The following CACNA1B variants were observed in gnomAD, a reference collection of about 807,000 sequenced individuals.
CACNA1B encodes voltage-dependent N-type calcium channel subunit alpha-1B.
Under a neutral mutation model 247.2 loss-of-function variants are expected in CACNA1B, and 70 were observed. The ratio of observed to expected loss-of-function variants is 0.28; its 90% confidence interval spans 0.23 to 0.35. The LOEUF is 0.35. Ranked by LOEUF, CACNA1B falls within the 10% of genes least tolerant of loss-of-function variation. The pLI is 1.00. For synonymous variants in CACNA1B, 1,231 were observed against 1,294.4 expected (o/e 0.95, Z 1.05); for missense variants, 2,367 against 3,197.4 (o/e 0.74, Z 6.26).
chr9:137,995,545 A>G (rs1958488602), intron 15 of CACNA1B, among the ~76,000 whole-genome samples: 1 of 152,248 alleles, frequency 6.6e-6, no homozygotes, highest in African/African-American at 2.4e-5. Flanking sequence ...AAGATGGTCA[A>G]AGACTTAACC....
chr9:138,102,633 C>A lies in CACNA1B; in HGVS notation c.5223-78C>A, dbSNP rs748638086. ...TCCTCCCTGCCCCTACCCCGCTCCC[C>A]TCCCCGCTCCCCTCCTGCTGCCGCT... On this transcript the variant is annotated intron_variant, in intron 37 of 46. Transcript: ENST00000371372. The surrounding 1 kb of genome is among the most constrained non-coding windows in gnomAD (Gnocchi z 5.4). 1.4e-6 allele frequency: 1 copy of A among 693,568 alleles called. No individual in the cohort carries two copies. The highest frequency in any genetic ancestry group is 1.9e-5 in the South Asian group (1 of 52,352). The allele number at this position is 693,568 out of a possible 1,614,324, so 43.0% of individuals were successfully genotyped here.
chr9:138,035,684 T>C (rs1165459315), intron 20 of CACNA1B, among the ~76,000 whole-genome samples: 1 of 152,144 alleles, frequency 6.6e-6, no homozygotes, highest in Admixed American at 6.5e-5. Context: ...TCTTTCTTGA[T>C]CTTCTCTGTT....
chr9:137,922,049 C>G (rs1354321262), intron 6 of CACNA1B, among the ~76,000 whole-genome samples: 2 of 149,108 alleles, frequency 1.3e-5, no homozygotes, highest in African/African-American at 5.0e-5. Flanking sequence ...TGATCAGCAC[C>G]ACGACCGCAC....
In CACNA1B at chr9:137,913,207, C is replaced by T. The variant is rs565401082; in HGVS notation, c.558C>T (p.Phe186=). Reference sequence around the variant, plus strand: ...TCCTTGCCACGGCTGGAACTGACTTCGACCTGCGAACACTGAGGGCTGTGC... The same window carrying T: ...TCCTTGCCACGGCTGGAACTGACTTTGACCTGCGAACACTGAGGGCTGTGC... ...TGILATAGTD[F]DLRTLRAVRV... is the part of the protein sequence containing the mutation. The change falls in exon 4 of 47, where the codon TTC becomes TTT. Residue 186 remains phenylalanine, a synonymous_variant. Transcript: ENST00000371372. This position sits in a 1 kb window ranked among gnomAD's most constrained non-coding sequence, Gnocchi z 5.2. 46 of 1,613,922 alleles carry T rather than the reference C, an allele frequency of 2.9e-5. No homozygotes were observed. Among genetic ancestry groups the T allele is most frequent in the East Asian group, 6.7e-5 (3 of 44,866 alleles).
chr9:138,058,052 G>A lies in CACNA1B; in HGVS notation c.4110G>A (p.Val1370=). The part of the protein sequence containing the change: ...TVSTGEGWPM[V]LKHSVDATYE... Reference sequence around the variant, plus strand: ...ACTTGCTCTCCTCTTTGCCCAGGGTGCTGAAACACTCCGTGGATGCCACCT... The same window carrying A: ...ACTTGCTCTCCTCTTTGCCCAGGGTACTGAAACACTCCGTGGATGCCACCT... Residue 1370 remains valine (V), a synonymous_variant, in exon 28 of 47, where the codon GTG becomes GTA. Coordinates refer to ENST00000371372, the MANE Select transcript of CACNA1B (RefSeq NM_000718.4). The surrounding 1 kb of genome is among the most constrained non-coding windows in gnomAD (Gnocchi z 4.7). 1 of 1,613,444 alleles carries A rather than the reference G, an allele frequency of 6.2e-7. No homozygotes were observed. The highest frequency in any genetic ancestry group is 1.1e-5 in the South Asian group (1 of 91,072).
rs910315289 is a variant in CACNA1B, at chr9:138,059,186, G to T, written c.4581G>T (p.Val1527=). Residue 1527 remains valine, a synonymous_variant, in exon 30 of 47, where the codon GTG becomes GTT. Coordinates refer to ENST00000371372, the MANE Select transcript of CACNA1B (RefSeq NM_000718.4). The surrounding 1 kb of genome is among the most constrained non-coding windows in gnomAD (Gnocchi z 4.2). The part of the protein sequence containing the change: ...ECVLKIIAFG[V]LNYFRDAWNV... ...TGCTGAAGATCATCGCCTTTGGGGT[G>T]CTGGTACGTGCTTTGGTCCCTGCTT... 6.3e-7 allele frequency: 1 copy of T among 1,585,538 alleles called. No individual in the cohort carries two copies. The highest frequency in any genetic ancestry group is 8.7e-7 in the Non-Finnish European group (1 of 1,154,452).
At chr9:138,111,626 C>T (rs1476835665) in intron 39 of CACNA1B, among the ~76,000 whole-genome samples, 1 of 152,260 alleles carries the variant, frequency 6.6e-6, no homozygotes, top group Non-Finnish European at 1.5e-5. Flanking sequence ...GTGACTCTCA[C>T]TGCATGTGAA....
intron 15 of CACNA1B, among the ~76,000 whole-genome samples, chr9:137,998,367 T>C (rs1262646171): frequency 2.0e-5 from 3 of 152,134 alleles, no homozygotes; most frequent in Non-Finnish European, 4.4e-5. Context: ...TCCCAGCACT[T>C]TGGGAGGCCG....
intron 26 of CACNA1B, among the ~76,000 whole-genome samples, chr9:138,056,104 A>G (rs547405035): frequency 7.9e-5 from 12 of 152,318 alleles, no homozygotes; most frequent in East Asian, 3.9e-4. Flanking sequence ...GTTCATAACA[A>G]TCCACTTACA....
intron 3 of CACNA1B, among the ~76,000 whole-genome samples, chr9:137,896,800 G>C (rs1198156467): frequency 1.5e-5 from 2 of 134,516 alleles, no homozygotes; most frequent in Non-Finnish European, 3.0e-5. Flanking sequence ...CTTTCCTTAC[G>C]AGTTATGTGG....
At chr9:137,978,309 G>A (rs1253141760) in intron 12 of CACNA1B, among the ~76,000 whole-genome samples, 1 of 147,378 alleles carries the variant, frequency 6.8e-6, no homozygotes, top group Non-Finnish European at 1.5e-5. Flanking sequence ...CCCCAGGAAG[G>A]AGTGATGGGA....
chr9:138,078,384 A>G (rs1420936895), intron 36 of CACNA1B, 126 bp downstream of exon 36: 3 of 928,848 alleles, frequency 3.2e-6, no homozygotes, highest in Non-Finnish European at 4.8e-6. Context: ...GTCCATGCTG[A>G]TGGCCCTTGT....
At chr9:137,970,504 A>G (rs1159709433) in intron 10 of CACNA1B, among the ~76,000 whole-genome samples, 1 of 152,182 alleles carries the variant, frequency 6.6e-6, no homozygotes, top group Non-Finnish European at 1.5e-5. Flanking sequence ...TGGAGCCTAC[A>G]GTCTTGTCTG....
rs199678364 is a variant in CACNA1B, at chr9:138,124,324, A to G, written c.*2325A>G. On this transcript the variant is annotated 3_prime_UTR_variant, in exon 47 of 47. Coordinates refer to ENST00000371372, the MANE Select transcript of CACNA1B (RefSeq NM_000718.4). Reference sequence around the variant, plus strand: ...TACAAGTATGTGCATGATAATGTATATCTTCGTACTTTTTGATACAATGTA... The same window carrying G: ...TACAAGTATGTGCATGATAATGTATGTCTTCGTACTTTTTGATACAATGTA... 1 of 152,104 alleles carries G rather than the reference A, an allele frequency of 6.6e-6. No homozygotes were observed. Among genetic ancestry groups the G allele is most frequent in the Non-Finnish European group, 1.5e-5 (1 of 68,038 alleles). The allele number at this position is 152,104 out of a possible 1,614,324, so 9.4% of individuals were successfully genotyped here. A position where few individuals can be genotyped will look rare whatever the true frequency, so the allele number is the denominator to read the frequency against.
intron 19 of CACNA1B, 103 bp downstream of exon 19, chr9:138,023,914 C>T (rs1042911239): frequency 3.3e-5 from 21 of 632,838 alleles, no homozygotes; most frequent in East Asian, 2.1e-4. Context: ...AGGCTGCAGC[C>T]CCGGCCACGC....
chr9:137,906,827 C>G (rs1957305486), intron 3 of CACNA1B, among the ~76,000 whole-genome samples: 1 of 152,134 alleles, frequency 6.6e-6, no homozygotes, highest in South Asian at 2.1e-4. Flanking sequence ...ATATGTGTTC[C>G]CCTGCATGCC....
chr9:138,031,325 C>CTGT (rs2133450657), intron 20 of CACNA1B, among the ~76,000 whole-genome samples: 1 of 152,216 alleles, frequency 6.6e-6, no homozygotes, highest in African/African-American at 2.4e-5. Flanking sequence ...GGAGATTTGC[C>CTGT]TATTTCTCTG....
chr9:137,949,089 G>GT (rs1382937177), intron 6 of CACNA1B, among the ~76,000 whole-genome samples: 6 of 46,944 alleles, frequency 1.3e-4, no homozygotes, highest in South Asian at 6.9e-4. Context: ...GTGTGTGTGT[G>GT]GTGTGTGCAT....
At chr9:138,015,610 G>C (rs577705118) in intron 18 of CACNA1B, among the ~76,000 whole-genome samples, 1 of 152,384 alleles carries the variant, frequency 6.6e-6, no homozygotes, top group South Asian at 2.1e-4. Flanking sequence ...GCGGAGCGGG[G>C]CCAATGCCGG....
Sources: allele counts gnomAD v4.1 joint callset (sites outside exome capture counted in the v4.1 genomes callset), GRCh38; gene constraint gnomAD v4.1.1; non-coding constraint Gnocchi (gnomAD v3.1); transcripts MANE v1.5; gene names NCBI Gene and HGNC (gene_info 2026-07-23, HGNC 2026-07-21).